LACTB2: variants seen among roughly 807,000 people sequenced by gnomAD.
The protein encoded by LACTB2 is lactamase beta 2.
In LACTB2, 32 loss-of-function variants were observed where a neutral mutation model predicts 34.8. That is an observed-to-expected ratio of 0.92 (90% CI 0.69 to 1.24). The LOEUF (loss-of-function observed/expected upper bound fraction) is 1.24, where lower values mean the gene tolerates loss of function less well. Among genes scored for constraint, LACTB2 ranks in the 50% most tolerant of loss-of-function variants. LACTB2 has a pLI of 0.00. For synonymous variants in LACTB2, 120 were observed against 117.5 expected (o/e 1.02, Z -0.14); for missense variants, 320 against 345.0 (o/e 0.93, Z 0.57).
At chr8:70,665,834 C>T (rs1227920437) in intron 1 of LACTB2, among the ~76,000 whole-genome samples, 1 of 152,132 alleles carries the variant, frequency 6.6e-6, no homozygotes, top group Non-Finnish European at 1.5e-5. Flanking sequence ...TGTCTGCCCA[C>T]AAAGTATGTA....
intron 5 of LACTB2, 76 bp from the exon 6 acceptor site, chr8:70,638,705 G>C: frequency 8.5e-7 from 1 of 1,179,238 alleles, no homozygotes; most frequent in Non-Finnish European, 1.1e-6. Context: ...TGAAAGCTTT[G>C]AAGAAAAGCA....
At chr8:70,648,242 G>A (rs1003052773) in intron 3 of LACTB2, among the ~76,000 whole-genome samples, 1 of 152,138 alleles carries the variant, frequency 6.6e-6, no homozygotes, top group Non-Finnish European at 1.5e-5. Flanking sequence ...AACACAATTA[G>A]TAAACATCAG....
At chr8:70,642,571 C>T (rs1268481842) in intron 4 of LACTB2, among the ~76,000 whole-genome samples, 1 of 147,824 alleles carries the variant, frequency 6.8e-6, no homozygotes, top group Non-Finnish European at 1.5e-5. Context: ...ACAACCTCTG[C>T]CTCCCAGGTT....
At chr8:70,655,705 G>GTAGACACCCAGTAGCTGGA (rs1165149557) in intron 3 of LACTB2, among the ~76,000 whole-genome samples, 2 of 152,126 alleles carry the variant, frequency 1.3e-5, no homozygotes, top group Non-Finnish European at 2.9e-5. Context: ...TTTCCTCTGG[G>GTAGACACCCAGTAGCTGGA]TAGACACCCA....
intron 3 of LACTB2, among the ~76,000 whole-genome samples, chr8:70,649,404 G>A (rs1217930424): frequency 6.6e-6 from 1 of 152,176 alleles, no homozygotes; most frequent in Non-Finnish European, 1.5e-5. Flanking sequence ...CCTAAGGGAA[G>A]ATTTATATAC....
Position 70,641,533 on chromosome 8 carries a change from T to C in LACTB2, c.593-483A>G, listed in dbSNP as rs75347489. Among the ~76,000 whole-genome samples, 470 of 152,034 alleles carry C rather than the reference T, an allele frequency of 3.1e-3. 2 individuals are homozygous for C. Among genetic ancestry groups the C allele is most frequent in the Non-Finnish European group, 5.7e-3 (386 of 67,952 alleles). ...GTTACATAGCTAAGAAGGGGTGGAG[T>C]TAGGATTCTGACAGGATCTCTTAAC... On this transcript the variant is annotated intron_variant, in intron 4 of 6. Transcript: ENST00000276590.
intron 3 of LACTB2, among the ~76,000 whole-genome samples, chr8:70,655,556 T>A (rs758662819): frequency 3.9e-5 from 6 of 152,180 alleles, no homozygotes; most frequent in Non-Finnish European, 7.3e-5. Context: ...TGAGTAGTAT[T>A]CCATCATATA....
At chr8:70,651,994 T>A (rs1319265281) in intron 3 of LACTB2, 1 of 152,244 alleles carries the variant, frequency 6.6e-6, no homozygotes, top group African/African-American at 2.4e-5. Context: ...ACTGTCAGAT[T>A]GACTTTTCTT....
At chr8:70,641,078 T>C (rs757010120) in intron 4 of LACTB2, 28 bp from the exon 5 acceptor site, 10 of 1,545,378 alleles carry the variant, frequency 6.5e-6, no homozygotes, top group Non-Finnish European at 7.0e-6. Context: ...TAAGAGTTAC[T>C]TCAGTCAGAT....
rs190005537 is a variant in LACTB2, at chr8:70,649,044, T to C, written c.414-4801A>G. Among the ~76,000 whole-genome samples the C allele has an allele frequency of 9.4e-4, 143 of 152,282 alleles. 1 individual carries two copies. The highest frequency in any genetic ancestry group is 3.2e-3 in the African/African-American group (134 of 41,562). Reference sequence around the variant, plus strand: ...ACAATACTGAGAAGGAAAAATACTTTCAACTTAGAATCTATACTCATAAAT... The same window carrying C: ...ACAATACTGAGAAGGAAAAATACTTCCAACTTAGAATCTATACTCATAAAT... On this transcript the variant is annotated intron_variant, in intron 3 of 6. Transcript: ENST00000276590.
At chr8:70,667,211 G>C (rs1308081702) in intron 1 of LACTB2, among the ~76,000 whole-genome samples, 1 of 152,190 alleles carries the variant, frequency 6.6e-6, no homozygotes, top group African/African-American at 2.4e-5. Flanking sequence ...ATTAAGGAGG[G>C]AGTCGTCAAT....
chr8:70,645,169 G>A (rs922739975), intron 3 of LACTB2, among the ~76,000 whole-genome samples: 36 of 152,114 alleles, frequency 2.4e-4, no homozygotes, highest in Admixed American at 2.0e-4. Context: ...AGGCTGAAGC[G>A]TGGTGGCATG....
intron 5 of LACTB2, among the ~76,000 whole-genome samples, chr8:70,639,542 T>A (rs1346190195): frequency 6.6e-6 from 1 of 152,278 alleles, no homozygotes; most frequent in African/African-American, 2.4e-5. Context: ...TAATATTTTA[T>A]GAATGAATAA....
At chr8:70,644,010 G>C in intron 4 of LACTB2, 55 bp downstream of exon 4, 1 of 1,397,168 alleles carries the variant, frequency 7.2e-7, no homozygotes, top group Non-Finnish European at 9.3e-7. Flanking sequence ...AACATAGCAA[G>C]ACCTTGTCTC....
At chr8:70,645,099 T>C (rs1429104240) in intron 3 of LACTB2, among the ~76,000 whole-genome samples, 2 of 151,986 alleles carry the variant, frequency 1.3e-5, no homozygotes, top group Non-Finnish European at 2.9e-5. Context: ...TATACATATA[T>C]GTTTATTTAT....
chr8:70,637,884 G>T lies in LACTB2; in HGVS notation c.843C>A (p.Asp281Glu). ...ACTAAAGATGAGCTTTCCATTTCTTGTCAGGATCTGTGTTGCTAACTGTAA... is the reference window on the plus strand; with the variant it reads ...ACTAAAGATGAGCTTTCCATTTCTTTTCAGGATCTGTGTTGCTAACTGTAA... ...EGKIFSNTDP[D>E]KKWKAHL Residue 281 changes from aspartate (D) to glutamate (E), a missense_variant, in exon 7 of 7, where the codon GAC becomes GAA. Asp to Glu is a conservative substitution (Grantham distance 45). Coordinates refer to ENST00000276590, the MANE Select transcript of LACTB2 (RefSeq NM_016027.3). 1.9e-6 allele frequency: 3 copies of T among 1,554,002 alleles called. No homozygotes were observed. The highest frequency in any genetic ancestry group is 2.6e-6 in the Non-Finnish European group (3 of 1,149,136).
intron 2 of LACTB2, chr8:70,661,455 G>A: frequency 3.2e-6 from 1 of 316,714 alleles, no homozygotes. Flanking sequence ...GCAGTGCCTG[G>A]CACAGAGTAA....
At chr8:70,667,765 G>T (rs1818551689) in intron 1 of LACTB2, among the ~76,000 whole-genome samples, 1 of 152,186 alleles carries the variant, frequency 6.6e-6, no homozygotes, top group African/African-American at 2.4e-5. Context: ...AAAAAGGCAG[G>T]TTGTGCTGAA....
At chr8:70,662,454 C>G (rs959928643) in intron 1 of LACTB2, 1 of 152,206 alleles carries the variant, frequency 6.6e-6, no homozygotes, top group Non-Finnish European at 1.5e-5. Context: ...CAACTTATCA[C>G]TGAAGTTTTA....
Sources: gnomAD v4.1 joint callset for allele counts (sites outside exome capture counted in the v4.1 genomes callset) on GRCh38, gnomAD v4.1.1 for gene constraint, MANE v1.5 for transcripts, NCBI Gene and HGNC (gene_info 2026-07-23, HGNC 2026-07-21) for gene names.